Variants in NRG3 observed in about 807,000 individuals in gnomAD.
NRG3 encodes pro-neuregulin-3, membrane-bound isoform.
In NRG3, 31 loss-of-function variants were observed where a neutral mutation model predicts 66.9. The ratio of observed to expected loss-of-function variants is 0.46; its 90% CI spans 0.35 to 0.63. The LOEUF (loss-of-function observed/expected upper bound fraction) is 0.63. NRG3 is among the 20% of genes least tolerant of loss of function. The pLI, the probability that NRG3 is intolerant of heterozygous loss-of-function variation, is 0.00. For missense variants in NRG3, 910 were observed against 878.9 expected (o/e 1.04, Z -0.45); for synonymous variants, 393 against 359.4 (o/e 1.09, Z -1.06).
chr10:82,258,496 A>G (rs1422992986), intron 1 of NRG3, among the ~76,000 whole-genome samples: 3 of 152,200 alleles, frequency 2.0e-5, no homozygotes, highest in Admixed American at 1.3e-4. Context: ...TGTTGTATCT[A>G]TCATATGGAT....
intron 3 of NRG3, among the ~76,000 whole-genome samples, chr10:82,788,045 T>A (rs1375900290): frequency 6.6e-6 from 1 of 152,220 alleles, no homozygotes; most frequent in African/African-American, 2.4e-5. Context: ...GAGAGAAATT[T>A]TGAAAGCTGC....
intron 1 of NRG3, among the ~76,000 whole-genome samples, chr10:82,299,044 T>C (rs1025744008): frequency 1.3e-5 from 2 of 152,120 alleles, no homozygotes; most frequent in Admixed American, 1.3e-4. Flanking sequence ...TGGAAGTATA[T>C]TGAGATCCAG....
At chr10:82,248,627 G>A (rs963126730) in intron 1 of NRG3, among the ~76,000 whole-genome samples, 1 of 152,164 alleles carries the variant, frequency 6.6e-6, no homozygotes, top group Admixed American at 6.5e-5. Flanking sequence ...GTGCAAAAAT[G>A]CTTAAAATAA....
At chr10:82,924,775 G>C (rs1027263027) in intron 4 of NRG3, among the ~76,000 whole-genome samples, 10 of 152,018 alleles carry the variant, frequency 6.6e-5, no homozygotes, top group Non-Finnish European at 1.3e-4. Context: ...CATTTTGATG[G>C]GTACAAGCTG....
chr10:82,893,460 C>G (rs538553909), intron 4 of NRG3, among the ~76,000 whole-genome samples: 1 of 152,136 alleles, frequency 6.6e-6, no homozygotes, highest in South Asian at 2.1e-4. Flanking sequence ...GAAGCTAAGG[C>G]GGGCAGATCA....
intron 1 of NRG3, among the ~76,000 whole-genome samples, chr10:82,176,523 A>AC (rs2073044005): frequency 6.6e-6 from 1 of 152,022 alleles, no homozygotes; most frequent in African/African-American, 2.4e-5. Context: ...CACGTAGGCT[A>AC]CCCTCTGTCA....
At chr10:82,013,056 A>G (rs1456523279) in intron 1 of NRG3, among the ~76,000 whole-genome samples, 1 of 152,118 alleles carries the variant, frequency 6.6e-6, no homozygotes, top group Non-Finnish European at 1.5e-5. Flanking sequence ...AATTTAATGT[A>G]TTAGTTTGTT....
At chr10:82,026,854 T>C (rs1281866352) in intron 1 of NRG3, among the ~76,000 whole-genome samples, 2 of 151,996 alleles carry the variant, frequency 1.3e-5, no homozygotes, top group Non-Finnish European at 2.9e-5. Flanking sequence ...TGCCTCTTCC[T>C]AGGCAAAAAA....
intron 2 of NRG3, among the ~76,000 whole-genome samples, chr10:82,616,057 C>T (rs1029423572): frequency 3.3e-5 from 5 of 152,168 alleles, no homozygotes; most frequent in African/African-American, 1.2e-4. Context: ...ACACATTCAT[C>T]CACAGGGATG....
chr10:82,790,444 A>G (rs1262086820), intron 3 of NRG3, among the ~76,000 whole-genome samples: 1 of 152,032 alleles, frequency 6.6e-6, no homozygotes, highest in East Asian at 1.9e-4. Flanking sequence ...GAAGCCTGCT[A>G]CTAATCTCGT....
At chr10:82,034,241 A>G (rs17099149) in intron 1 of NRG3, among the ~76,000 whole-genome samples, 5,840 of 152,250 alleles carry the variant, frequency 0.038, 179 homozygotes, top group East Asian at 0.11. Context: ...GACCATATAC[A>G]TGACCCATTA....
intron 3 of NRG3, among the ~76,000 whole-genome samples, chr10:82,854,624 C>T (rs1483440221): frequency 3.9e-5 from 6 of 152,168 alleles, no homozygotes; most frequent in Non-Finnish European, 8.8e-5. Flanking sequence ...ACAAGCCCGA[C>T]TTCCGAAGCT....
At chr10:82,397,713 G>A (rs1418454167) in intron 2 of NRG3, among the ~76,000 whole-genome samples, 1 of 152,040 alleles carries the variant, frequency 6.6e-6, no homozygotes, top group African/African-American at 2.4e-5. Context: ...TACTCTCCCA[G>A]GAAATATGTG....
chr10:82,397,709 C>T (rs1178492586), intron 2 of NRG3, among the ~76,000 whole-genome samples: 1 of 152,106 alleles, frequency 6.6e-6, no homozygotes, highest in Admixed American at 6.5e-5. Flanking sequence ...ACCATACTCT[C>T]CCAGGAAATA....
chr10:82,868,006 A>T (rs1840932561), intron 4 of NRG3, among the ~76,000 whole-genome samples: 1 of 152,176 alleles, frequency 6.6e-6, no homozygotes, highest in Admixed American at 6.5e-5. Context: ...TTGCAGGCTC[A>T]GTGAGGCTTT....
intron 4 of NRG3, among the ~76,000 whole-genome samples, chr10:82,893,711 A>G (rs1843389202): frequency 6.6e-6 from 1 of 152,272 alleles, no homozygotes; most frequent in African/African-American, 2.4e-5. Flanking sequence ...ATAGAGGTGA[A>G]AATACAAATA....
At chr10:82,423,327 C>T (rs552771063) in intron 2 of NRG3, among the ~76,000 whole-genome samples, 2 of 151,892 alleles carry the variant, frequency 1.3e-5, no homozygotes, top group East Asian at 1.9e-4. Flanking sequence ...TATATATTAT[C>T]GTTATAATTA....
rs533597017 is a variant in NRG3 at position 82,342,144 on chromosome 10, A to C, written c.824-16595A>C. Among the ~76,000 whole-genome samples the C allele has an allele frequency of 4.6e-5, 7 of 152,002 alleles. No individual in the cohort carries two copies. In the South Asian group the frequency reaches 1.5e-3, roughly 32 times the overall value. The stretch of plus-strand genomic sequence containing the variant: ...GTATTTATGTTATATATATGCACAC[A>C]CACACACTCATTAATCATCCATTAA... On this transcript the variant is annotated intron_variant, in intron 1 of 8. Coordinates refer to ENST00000372141, the MANE Select transcript of NRG3 (RefSeq NM_001010848.4).
intron 1 of NRG3, among the ~76,000 whole-genome samples, chr10:82,113,975 A>G (rs956070823): frequency 6.6e-6 from 1 of 152,080 alleles, no homozygotes. Flanking sequence ...TCATCCTGTA[A>G]CCACCAGCCT....
Sources: allele counts gnomAD v4.1 joint callset (sites outside exome capture counted in the v4.1 genomes callset), GRCh38; gene constraint gnomAD v4.1.1; transcripts MANE v1.5; gene names NCBI Gene and HGNC (gene_info 2026-07-23, HGNC 2026-07-21).